The following PDAP1 variants were observed in gnomAD, a reference collection of about 807,000 sequenced individuals.
The protein encoded by PDAP1 is 28 kDa heat- and acid-stable phosphoprotein.
PDAP1 carries 13 observed loss-of-function variants against 28.0 expected under a neutral mutation model. That is an observed-to-expected ratio of 0.46 (90% CI 0.30 to 0.74). The LOEUF (loss-of-function observed/expected upper bound fraction) is 0.74, where lower values mean the gene tolerates loss of function less well. PDAP1 is among the 30% of genes least tolerant of loss of function. The pLI is 0.07. For synonymous variants in PDAP1, 77 were observed against 85.1 expected (o/e 0.91, Z 0.52); for missense variants, 150 against 230.0 (o/e 0.65, Z 2.25).
intron 3 of PDAP1, among the ~76,000 whole-genome samples, chr7:99,402,573 CAAAAAAAAAAAA>C (rs58448407): frequency 1.8e-5 from 1 of 56,680 alleles, no homozygotes; most frequent in Non-Finnish European, 3.9e-5. Context: ...GACCCTGTCT[CAAAAAAAAAAAA>C]AAAAAAAAAA....
Position 99,394,697 on chromosome 7 carries a change from TG to T in PDAP1, c.*1984del. The T allele has an allele frequency of 3.3e-6, 4 of 1,228,142 alleles. No homozygotes were observed. The highest frequency in any genetic ancestry group is 3.0e-6 in the Non-Finnish European group (3 of 1,005,924). 76.1% of individuals were successfully genotyped at this position (1,228,142 alleles called of 1,614,324 possible). On this transcript the variant is annotated 3_prime_UTR_variant, in exon 6 of 6. Transcript: ENST00000350498. ...CTTTTTCTTAAATGCTTTCATTTAT[TG>T]AAAAAAAAAAAAAATGCCCCCAAAG...
intron 1 of PDAP1, 53 bp downstream of exon 1, chr7:99,408,483 C>T: frequency 7.5e-7 from 1 of 1,341,296 alleles, no homozygotes; most frequent in Non-Finnish European, 9.6e-7. Flanking sequence ...ACAGCGGAAG[C>T]CGGACCTGGG....
At chr7:99,399,897 C>A (rs1794832336) in intron 4 of PDAP1, among the ~76,000 whole-genome samples, 2 of 152,242 alleles carry the variant, frequency 1.3e-5, no homozygotes, top group African/African-American at 4.8e-5. Flanking sequence ...CTGCGCTGGG[C>A]TGGACTGCCT....
rs57668352 is a variant in PDAP1 at position 99,394,698 on chromosome 7, GAA to G, written c.*1982_*1983del. On this transcript the variant is annotated 3_prime_UTR_variant, in exon 6 of 6. Coordinates refer to ENST00000350498, the MANE Select transcript of PDAP1 (RefSeq NM_014891.7). ...TTTTTCTTAAATGCTTTCATTTATT[GAA>G]AAAAAAAAAAAATGCCCCCAAAGCA... is the stretch of plus-strand genomic sequence containing the variant. The G allele has an allele frequency of 8.9e-4, 1,024 of 1,155,316 alleles. No individual in the cohort carries two copies. Among genetic ancestry groups the G allele is most frequent in the South Asian group, 3.4e-3 (107 of 31,184 alleles). 71.6% of individuals were successfully genotyped at this position (1,155,316 alleles called of 1,614,324 possible). A position where few individuals can be genotyped will look rare whatever the true frequency, so the allele number is the denominator to read the frequency against.
rs1794772350 is a variant in PDAP1, at chr7:99,396,697, G to A, written c.531C>T (p.Leu177=). Residue 177 remains leucine (L), a synonymous_variant, in exon 6 of 6, where the codon CTC becomes CTT. Coordinates refer to ENST00000350498, the MANE Select transcript of PDAP1 (RefSeq NM_014891.7). ...CGGGTCGCAGTTACTTATTCAGGGAGAGTGACTGCATTCGTTTTCCTGACA... is the reference window on the plus strand; with the variant it reads ...CGGGTCGCAGTTACTTATTCAGGGAAAGTGACTGCATTCGTTTTCCTGACA... ...ATLSGKRMQS[L]SLNK is the part of the protein sequence containing the mutation. 1.2e-6 allele frequency: 2 copies of A among 1,611,774 alleles called. No homozygotes were observed. Among genetic ancestry groups the A allele is most frequent in the Non-Finnish European group, 1.7e-6 (2 of 1,179,576 alleles).
chr7:99,405,041 C>T, intron 1 of PDAP1, 88 bp from the exon 2 acceptor site: 1 of 923,850 alleles, frequency 1.1e-6, no homozygotes, highest in South Asian at 1.4e-5. Flanking sequence ...GGAGTACTCT[C>T]ATCGGAGGCC....
intron 1 of PDAP1, among the ~76,000 whole-genome samples, chr7:99,406,284 T>A (rs1220568723): frequency 6.7e-6 from 1 of 149,632 alleles, no homozygotes; most frequent in Non-Finnish European, 1.5e-5. Context: ...TACTTTTCCC[T>A]CTAATCTAGT....
At chr7:99,400,080 G>A (rs1203932512) in intron 4 of PDAP1, among the ~76,000 whole-genome samples, 1 of 152,252 alleles carries the variant, frequency 6.6e-6, no homozygotes, top group African/African-American at 2.4e-5. Flanking sequence ...ATTACCTCAA[G>A]TGTTATGCTC....
rs746828845 is a variant in PDAP1, at chr7:99,396,746, G to C, written c.488-6C>G. The C allele has an allele frequency of 6.2e-7, 1 of 1,611,774 alleles. No homozygotes were observed. The highest frequency in any genetic ancestry group is 8.5e-7 in the Non-Finnish European group (1 of 1,179,070). On this transcript the variant is annotated splice_region_variant and splice_polypyrimidine_tract_variant and intron_variant, in intron 5 of 5. Transcript: ENST00000350498. ...CAATGTGGCATCGTCTTTTGCTGAG[G>C]GGTGGGAGAAGGGCAGGGGTTAAAA...
chr7:99,404,425 C>T (rs1225622465), intron 2 of PDAP1, among the ~76,000 whole-genome samples: 3 of 152,126 alleles, frequency 2.0e-5, no homozygotes, highest in African/African-American at 7.2e-5. Flanking sequence ...AGAGGCTAAA[C>T]AACGTCTCCA....
At chr7:99,402,251 A>G (rs1469595120) in intron 3 of PDAP1, among the ~76,000 whole-genome samples, 3 of 143,222 alleles carry the variant, frequency 2.1e-5, no homozygotes, top group South Asian at 2.2e-4. Flanking sequence ...AAAAAAAAGC[A>G]TATCTGGTCA....
chr7:99,404,828 G>C (rs1263184289), intron 2 of PDAP1, 34 bp downstream of exon 2: 2 of 1,564,394 alleles, frequency 1.3e-6, no homozygotes, highest in African/African-American at 2.7e-5. Flanking sequence ...GCCACCCTGG[G>C]CCACTGGCGT....
intron 3 of PDAP1, among the ~76,000 whole-genome samples, chr7:99,401,797 C>T (rs1042282275): frequency 2.9e-4 from 43 of 149,326 alleles, no homozygotes; most frequent in African/African-American, 9.4e-4. Flanking sequence ...CCCGGGTTCA[C>T]GCCATTCTCC....
At chr7:99,403,194 T>A (rs1794911402) in intron 3 of PDAP1, 3 of 577,970 alleles carry the variant, frequency 5.2e-6, no homozygotes, top group Admixed American at 3.2e-5. Context: ...GTCCCCTCAA[T>A]CACAGTCTGT....
At chr7:99,405,451 C>A (rs1211325739) in intron 1 of PDAP1, among the ~76,000 whole-genome samples, 1 of 151,780 alleles carries the variant, frequency 6.6e-6, no homozygotes, top group Non-Finnish European at 1.5e-5. Context: ...CCTCCACCAC[C>A]CTGGTTGAAG....
intron 1 of PDAP1, among the ~76,000 whole-genome samples, chr7:99,407,540 G>C (rs542082375): frequency 2.0e-5 from 3 of 152,352 alleles, no homozygotes; most frequent in African/African-American, 7.2e-5. Flanking sequence ...TGTGGGTTGA[G>C]TGCATTAACC....
At chr7:99,402,177 C>T (rs1410925955) in intron 3 of PDAP1, among the ~76,000 whole-genome samples, 3 of 141,648 alleles carry the variant, frequency 2.1e-5, no homozygotes, top group Non-Finnish European at 4.5e-5. Flanking sequence ...TGCAGTGAGC[C>T]GAGATCGCAC....
chr7:99,408,580 G>A lies in PDAP1; in HGVS notation c.-32C>T. 52 of 1,267,376 alleles carry A rather than the reference G, an allele frequency of 4.1e-5. No homozygotes were observed. Among genetic ancestry groups the A allele is most frequent in the Non-Finnish European group, 4.8e-5 (48 of 1,004,482 alleles). 78.5% of individuals were successfully genotyped at this position (1,267,376 alleles called of 1,614,324 possible). On this transcript the variant is annotated 5_prime_UTR_variant, in exon 1 of 6. Coordinates refer to ENST00000350498, the MANE Select transcript of PDAP1 (RefSeq NM_014891.7). ...TCCGGCGGCTGCGGCGGCGGCGGCGGCGCCTCGAACTGACACCGGAACCGG... is the reference window on the plus strand; with the variant it reads ...TCCGGCGGCTGCGGCGGCGGCGGCGACGCCTCGAACTGACACCGGAACCGG...
At position 99,403,605 on chromosome 7, in the gene PDAP1, G is replaced by A. The variant is rs141699698; in HGVS notation, c.106-100C>T. 5.1e-4 allele frequency: 430 copies of A among 836,296 alleles called. 3 individuals are homozygous for A. In the African/African-American group the frequency reaches 6.2e-3, roughly 12 times the overall value. 51.8% of individuals were successfully genotyped at this position (836,296 alleles called of 1,614,324 possible). A position where few individuals can be genotyped will look rare whatever the true frequency, so the allele number is the denominator to read the frequency against. Reference sequence around the variant, plus strand: ...CAGACTGTGGATCTTGAGAAATCAAGCCTCTGGAAGGCTGGAACCAAGGAT... The same window carrying A: ...CAGACTGTGGATCTTGAGAAATCAAACCTCTGGAAGGCTGGAACCAAGGAT... On this transcript the variant is annotated intron_variant, in intron 2 of 5. Coordinates refer to ENST00000350498, the MANE Select transcript of PDAP1 (RefSeq NM_014891.7).
Sources: gnomAD v4.1 joint callset for allele counts (sites outside exome capture counted in the v4.1 genomes callset) on GRCh38, gnomAD v4.1.1 for gene constraint, MANE v1.5 for transcripts, NCBI Gene and HGNC (gene_info 2026-07-23, HGNC 2026-07-21) for gene names.